The following SYT7 variants were observed in gnomAD, a reference collection of about 807,000 sequenced individuals.
SYT7 encodes the protein synaptotagmin 7, also known as synaptotagmin-7.
Under a neutral mutation model 75.1 loss-of-function variants are expected in SYT7, and 29 were observed. That is an observed-to-expected ratio of 0.39 (90% CI 0.29 to 0.53). The LOEUF (loss-of-function observed/expected upper bound fraction) is 0.53, where lower values mean the gene tolerates loss of function less well. SYT7 is among the 20% of genes least tolerant of loss of function. SYT7 has a pLI of 0.77. For synonymous variants in SYT7, 376 were observed against 401.7 expected (o/e 0.94, Z 0.76); for missense variants, 693 against 953.2 (o/e 0.73, Z 3.59).
At chr11:61,585,471 C>A (rs2064366683), upstream of SYT7, among the ~76,000 whole-genome samples, 4 of 152,252 alleles carry the variant, frequency 2.6e-5, no homozygotes, top group African/African-American at 9.6e-5. Context: ...TGGTGACCGG[C>A]CAGGAGTGAG....
At chr11:61,563,003 G>A (rs1184007343) in intron 1 of SYT7, among the ~76,000 whole-genome samples, 4 of 152,112 alleles carry the variant, frequency 2.6e-5, no homozygotes, top group Non-Finnish European at 2.9e-5. Context: ...GGTGCCGCAG[G>A]AGCAGTGGGC....
intron 1 of SYT7, among the ~76,000 whole-genome samples, chr11:61,571,314 C>T (rs548093107): frequency 1.3e-5 from 2 of 152,252 alleles, no homozygotes; most frequent in African/African-American, 4.8e-5. Context: ...CACACCCACT[C>T]CTGTGCCTCC....
At chr11:61,558,484 A>G (rs2063554115) in intron 1 of SYT7, among the ~76,000 whole-genome samples, 2 of 139,634 alleles carry the variant, frequency 1.4e-5, no homozygotes, top group African/African-American at 5.7e-5. Context: ...AAATATATAT[A>G]TACACACACA....
chr11:61,538,714 G>C (rs2062955541), intron 6 of SYT7, among the ~76,000 whole-genome samples: 1 of 152,192 alleles, frequency 6.6e-6, no homozygotes, highest in African/African-American at 2.4e-5. Context: ...AACTGCTAAT[G>C]CATGCCCAGC....
At chr11:61,529,084 C>T (rs886768702) in intron 8 of SYT7, among the ~76,000 whole-genome samples, 1 of 152,074 alleles carries the variant, frequency 6.6e-6, no homozygotes, top group African/African-American at 2.4e-5. Flanking sequence ...TACCCACCCC[C>T]CAGCCGCCTG....
Position 61,546,270 on chromosome 11 carries a change from G to A in SYT7, c.348-15C>T, listed in dbSNP as rs1009508008. ...GGAGGGTGCCACTGGAGGCATGCAC[G>A]AGGCAGCCAGGCCAGAGGGGCACCG... is the stretch of plus-strand genomic sequence containing the variant. On this transcript the variant is annotated splice_polypyrimidine_tract_variant and intron_variant, in intron 4 of 12. Transcript: ENST00000539008. The surrounding 1 kb of genome is among the most constrained non-coding windows in gnomAD (Gnocchi z 7.6). 3.7e-5 allele frequency: 52 copies of A among 1,423,640 alleles called. No individual in the cohort carries two copies. The highest frequency in any genetic ancestry group is 1.5e-4 in the South Asian group (10 of 66,648). The allele number at this position is 1,423,640 out of a possible 1,614,324, so 88.2% of individuals were successfully genotyped here. A position where few individuals can be genotyped will look rare whatever the true frequency, so the allele number is the denominator to read the frequency against.
At chr11:61,568,765 A>G (rs2063842438) in intron 1 of SYT7, among the ~76,000 whole-genome samples, 1 of 152,198 alleles carries the variant, frequency 6.6e-6, no homozygotes, top group Non-Finnish European at 1.5e-5. Flanking sequence ...GAAGGAAGAG[A>G]GTAACACCTT....
intron 8 of SYT7, chr11:61,530,878 C>T: frequency 1.0e-6 from 1 of 985,428 alleles, no homozygotes; most frequent in Non-Finnish European, 1.2e-6. Flanking sequence ...CCAGGTTGGC[C>T]ACCCCATCAC....
the SYT7 span, among the ~76,000 whole-genome samples, chr11:61,587,932 G>A: frequency 6.6e-6 from 1 of 152,238 alleles, no homozygotes; most frequent in Non-Finnish European, 1.5e-5. Flanking sequence ...ATGGGGGGGC[G>A]GGGGACATGA....
rs1228978723 is a variant in SYT7, at chr11:61,538,381, G to GAGAA, written c.942-116_942-115insTTCT. 1.6e-5 allele frequency: 13 copies of GAGAA among 824,086 alleles called. No homozygotes were observed. The East Asian group carries it at 3.5e-4, about 22-fold the overall frequency. 51.0% of individuals were successfully genotyped at this position (824,086 alleles called of 1,614,324 possible). On this transcript the variant is annotated intron_variant, in intron 6 of 12. Transcript: ENST00000539008. ...AGAGAGAGAGAGAGAGAGAGAGAGAGAGAGAGAAAGAGAGAGAGAGAGACA... is the reference window on the plus strand; with the variant it reads ...AGAGAGAGAGAGAGAGAGAGAGAGAGAGAAAGAGAGAAAGAGAGAGAGAGAGACA...
intron 6 of SYT7, chr11:61,540,030 A>G (rs2062996231): frequency 6.6e-6 from 1 of 152,186 alleles, no homozygotes; most frequent in South Asian, 2.1e-4. Flanking sequence ...CAGTGAAAAC[A>G]ACATGTTTTT....
In SYT7 at chr11:61,514,550, C is replaced by T. The variant is rs1010671140; in HGVS notation, c.*4077G>A. Reference sequence around the variant, plus strand: ...GTGTCTGAACCAGATGTAGCACCTTCCTTCTGAAGTACCCTGAGAGCTGCG... The same window carrying T: ...GTGTCTGAACCAGATGTAGCACCTTTCTTCTGAAGTACCCTGAGAGCTGCG... On this transcript the variant is annotated 3_prime_UTR_variant, in exon 13 of 13. Transcript: ENST00000539008. 4.6e-5 allele frequency among the ~76,000 whole-genome samples: 7 copies of T among 152,184 alleles called. No individual in the cohort carries two copies. The highest frequency in any genetic ancestry group is 1.4e-4 in the African/African-American group (6 of 41,432).
chr11:61,535,537 C>A (rs944476385), intron 7 of SYT7, among the ~76,000 whole-genome samples: 2 of 152,238 alleles, frequency 1.3e-5, no homozygotes, highest in Non-Finnish European at 2.9e-5. Context: ...CAGGGCCTCC[C>A]TCCCTCCCGG....
intron 5 of SYT7, among the ~76,000 whole-genome samples, chr11:61,544,177 C>A (rs1454086740): frequency 1.3e-5 from 2 of 152,154 alleles, no homozygotes; most frequent in Non-Finnish European, 2.9e-5. Flanking sequence ...ACTTTGCTGA[C>A]CTCTGGTCTA....
Position 61,580,868 on chromosome 11 carries a change from G to A in SYT7, c.-48C>T. The A allele has an allele frequency of 1.7e-6, 2 of 1,175,062 alleles. No individual in the cohort carries two copies. The highest frequency in any genetic ancestry group is 3.2e-5 in the African/African-American group (2 of 61,936). The allele number at this position is 1,175,062 out of a possible 1,614,324, so 72.8% of individuals were successfully genotyped here. ...TCCGGGCTCCTCAGAGCCGCCCGCG[G>A]CCGCGCGCTGCTCCGCCGCCGCCGC... On this transcript the variant is annotated 5_prime_UTR_variant, in exon 1 of 13. Transcript: ENST00000539008. The surrounding 1 kb of genome is among the most constrained non-coding windows in gnomAD (Gnocchi z 6.1).
chr11:61,545,678 C>T (rs1429057651), intron 5 of SYT7, among the ~76,000 whole-genome samples: 1 of 152,200 alleles, frequency 6.6e-6, no homozygotes, highest in Non-Finnish European at 1.5e-5. Flanking sequence ...AGGCCTGCTG[C>T]CCATGGAGGG....
chr11:61,575,937 C>T (rs1332471179), intron 1 of SYT7, among the ~76,000 whole-genome samples: 2 of 152,208 alleles, frequency 1.3e-5, no homozygotes, highest in African/African-American at 4.8e-5. Context: ...TACCAATTCC[C>T]CAAACATGCA....
intron 12 of SYT7, among the ~76,000 whole-genome samples, chr11:61,519,456 A>T (rs2062242312): frequency 6.6e-6 from 1 of 152,248 alleles, no homozygotes; most frequent in Non-Finnish European, 1.5e-5. Context: ...GGCCTTCTAT[A>T]GGACACCCGG....
chr11:61,547,193 G>A lies in SYT7; in HGVS notation c.331C>T (p.Pro111Ser). Reference protein sequence around the residue: ...NISPYAPYGDPRLSLNGTLLS... With the variant: ...NISPYAPYGDSRLSLNGTLLS... ...GTCACTCACTTGAGGGACAGTCGTG[G>A]GTCGCCATAAGGGGCGTAGGGTGAA... The change falls in exon 4 of 13, where the codon CCA becomes TCA. Residue 111 changes from proline (P) to serine (S), a missense_variant. By Grantham distance (74) the Pro-to-Ser change is moderately conservative. Coordinates refer to ENST00000539008, the MANE Select transcript of SYT7 (RefSeq NM_001365809.2). 6.5e-7 allele frequency: 1 copy of A among 1,535,606 alleles called. No homozygotes were observed. The highest frequency in any genetic ancestry group is 1.4e-5 in the African/African-American group (1 of 73,126).
Sources: gnomAD v4.1 joint callset for allele counts (sites outside exome capture counted in the v4.1 genomes callset) on GRCh38, gnomAD v4.1.1 for gene constraint, Gnocchi (gnomAD v3.1) non-coding constraint, MANE v1.5 for transcripts, NCBI Gene and HGNC (gene_info 2026-07-23, HGNC 2026-07-21) for gene names.